Variants in RPS19 observed in about 807,000 individuals in gnomAD.
RPS19 encodes small ribosomal subunit protein eS19.
RPS19 carries 1 observed loss-of-function variant against 20.3 expected under a neutral mutation model. The ratio of observed to expected loss-of-function variants is 0.05; its 90% confidence interval spans 0.02 to 0.23. The LOEUF is 0.23. Among genes scored for constraint, RPS19 ranks in the 10% least tolerant of loss-of-function variants. The probability of loss-of-function intolerance (pLI) is 1.00; values close to 1 mark genes in which losing one functional copy is unlikely to be tolerated. For synonymous variants in RPS19, 87 were observed against 74.8 expected, an observed-to-expected ratio of 1.16 and a Z score of -0.84; for missense variants, 111 against 192.7, an observed-to-expected ratio of 0.58 and a Z score of 2.51.
rs1255200187 is a variant in RPS19, at chr19:41,869,688, C to T, written c.357-11C>T. 1 of 1,613,638 alleles carries T rather than the reference C, an allele frequency of 6.2e-7. No homozygotes were observed. The highest frequency in any genetic ancestry group is 8.5e-7 in the Non-Finnish European group (1 of 1,179,848). ...CTCACTGGGGCCTGCATGACCCTTC[C>T]CTCCCCACAGCGGCCGCAAACTGAC... On this transcript the variant is annotated splice_polypyrimidine_tract_variant and intron_variant, in intron 4 of 5. Transcript: ENST00000598742.
intron 3 of RPS19, among the ~76,000 whole-genome samples, chr19:41,868,342 G>T (rs1600619989): frequency 6.6e-6 from 1 of 152,206 alleles, no homozygotes; most frequent in East Asian, 1.9e-4. Context: ...AGTAGCACTT[G>T]ACACACCTGT....
Position 41,869,700 on chromosome 19 carries a change from G to A in RPS19, c.358G>A (p.Gly120Ser). ...TGCATGACCCTTCCCTCCCCACAGC[G>A]GCCGCAAACTGACACCTCAGGGACA... is the stretch of plus-strand genomic sequence containing the variant. ...LKMVEKDQDG[G>S]RKLTPQGQRD... Residue 120 changes from glycine (G) to serine (S), a missense_variant and splice_region_variant, in exon 5 of 6, where the codon GGC (glycine) becomes AGC (serine). Coordinates refer to ENST00000598742, the MANE Select transcript of RPS19 (RefSeq NM_001022.4). 3.7e-6 allele frequency: 6 copies of A among 1,614,052 alleles called. No individual in the cohort carries two copies. Among genetic ancestry groups the A allele is most frequent in the South Asian group, 2.2e-5 (2 of 91,078 alleles).
intron 5 of RPS19, among the ~76,000 whole-genome samples, chr19:41,870,849 CTTTTTTTT>C (rs35987051): frequency 6.8e-5 from 3 of 43,964 alleles, no homozygotes; most frequent in African/African-American, 9.2e-5. Flanking sequence ...CACTCCCTTC[CTTTTTTTT>C]TTTTTTTTTT....
At chr19:41,867,984 T>C (rs1488589606) in intron 3 of RPS19, among the ~76,000 whole-genome samples, 1 of 152,080 alleles carries the variant, frequency 6.6e-6, no homozygotes, top group Non-Finnish European at 1.5e-5. Flanking sequence ...ACAAGCGGTG[T>C]GTAAGAACTG....
chr19:41,868,193 G>A (rs2123281735), intron 3 of RPS19, among the ~76,000 whole-genome samples: 1 of 152,366 alleles, frequency 6.6e-6, no homozygotes, highest in Non-Finnish European at 1.5e-5. Flanking sequence ...GCAGGACCAT[G>A]TGATGGCTGA....
At chr19:41,868,923 C>A (rs893910218) in intron 3 of RPS19, 108 bp from the exon 4 acceptor site, 16 of 1,173,228 alleles carry the variant, frequency 1.4e-5, no homozygotes, top group Non-Finnish European at 1.9e-5. Context: ...TGTGTGTTTT[C>A]AGTTTCCCTT....
intron 3 of RPS19, chr19:41,864,745 G>C (rs2074067430): frequency 6.6e-6 from 1 of 152,248 alleles, no homozygotes; most frequent in Non-Finnish European, 1.5e-5. Flanking sequence ...GGAGCAGAAG[G>C]CCTCTAGCAT....
At chr19:41,861,251 G>T (rs782540174) in intron 3 of RPS19, 39 bp downstream of exon 3, 5 of 1,465,890 alleles carry the variant, frequency 3.4e-6, no homozygotes, top group Non-Finnish European at 3.8e-6. Context: ...GTGGGGAGCT[G>T]GGTGACCCCT....
chr19:41,860,609 C>A, intron 1 of RPS19, 166 bp from the exon 2 acceptor site: 2 of 739,612 alleles, frequency 2.7e-6, no homozygotes, highest in South Asian at 2.8e-5. Context: ...TCGGTGAGCT[C>A]CTTCAGACCC....
chr19:41,871,276 A>G (rs369186569), intron 5 of RPS19, 75 bp from the exon 6 acceptor site: 266 of 1,287,236 alleles, frequency 2.1e-4, no homozygotes, highest in Non-Finnish European at 2.8e-4. Context: ...TGTGGTGGGT[A>G]GTTAGGTAGC....
rs1459964119 is a variant in RPS19, at chr19:41,869,496, T to A, written c.357-203T>A. 9 of 621,042 alleles carry A rather than the reference T, an allele frequency of 1.4e-5. No individual in the cohort carries two copies. The Admixed American group carries it at 1.8e-4, about 12-fold the overall frequency. 38.5% of individuals were successfully genotyped at this position (621,042 alleles called of 1,614,324 possible). On this transcript the variant is annotated intron_variant, in intron 4 of 5. Coordinates refer to ENST00000598742, the MANE Select transcript of RPS19 (RefSeq NM_001022.4). ...TTTTCGGGGCTTTTGATCTAAATGC[T>A]TGCACAAACAACACCCCGTCAGCTC...
intron 3 of RPS19, among the ~76,000 whole-genome samples, chr19:41,862,611 A>C (rs1415812831): frequency 6.6e-6 from 1 of 151,390 alleles, no homozygotes; most frequent in African/African-American, 2.4e-5. Flanking sequence ...ATACCTCCAA[A>C]GTAGGACTGT....
At chr19:41,866,291 T>C (rs2074089271) in intron 3 of RPS19, among the ~76,000 whole-genome samples, 1 of 152,110 alleles carries the variant, frequency 6.6e-6, no homozygotes, top group African/African-American at 2.4e-5. Flanking sequence ...AAAGCTATTC[T>C]GCGTTCCCCA....
Position 41,871,397 on chromosome 19 carries a change from A to G in RPS19, c.*20A>G, listed in dbSNP as rs2074148059. 1 of 1,611,064 alleles carries G rather than the reference A, an allele frequency of 6.2e-7. No individual in the cohort carries two copies. Among genetic ancestry groups the G allele is most frequent in the Admixed American group, 1.7e-5 (1 of 59,988 alleles). ...CATTAGAACAAACCATGCTGGGTTA[A>G]TAAATTGCCTCATTCGTAATCCTGG... On this transcript the variant is annotated 3_prime_UTR_variant, in exon 6 of 6. Transcript: ENST00000598742.
chr19:41,862,746 T>TG (rs1416853613), intron 3 of RPS19, among the ~76,000 whole-genome samples: 1 of 152,074 alleles, frequency 6.6e-6, no homozygotes, highest in Non-Finnish European at 1.5e-5. Context: ...TGTGGTCCCT[T>TG]GCAGCCCACA....
chr19:41,861,183 A>G lies in RPS19; in HGVS notation c.143A>G (p.Tyr48Cys), dbSNP rs782433952. Residue 48 changes from tyrosine (Y) to cysteine (C), a missense_variant, in exon 3 of 6, where the codon TAC becomes TGC. Physicochemically the swap from Tyr to Cys is radical, Grantham distance 194 (BLOSUM62 -2). Transcript: ENST00000598742. ...KLAKHKELAP[Y>C]DENWFYTRAA... ...GCCAAGCACAAAGAGCTTGCTCCCT[A>G]CGATGAGAACTGGTTCTACACGCGA... 2 of 1,613,946 alleles carry G rather than the reference A, an allele frequency of 1.2e-6. No homozygotes were observed. The highest frequency in any genetic ancestry group is 1.7e-5 in the Admixed American group (1 of 60,002).
intron 5 of RPS19, 82 bp from the exon 6 acceptor site, chr19:41,871,269 G>A (rs2074146521): frequency 7.3e-6 from 9 of 1,231,772 alleles, no homozygotes; most frequent in Non-Finnish European, 1.1e-5. Context: ...GCCCACCTGT[G>A]GTGGGTAGTT....
rs1442379340 is a variant in RPS19 at position 41,869,891 on chromosome 19, G to T, written c.411+138G>T. 3 of 829,820 alleles carry T rather than the reference G, an allele frequency of 3.6e-6. No homozygotes were observed. The Admixed American group carries it at 6.3e-5, about 17-fold the overall frequency. The allele number at this position is 829,820 out of a possible 1,614,324, so 51.4% of individuals were successfully genotyped here. On this transcript the variant is annotated intron_variant, in intron 5 of 5. Coordinates refer to ENST00000598742, the MANE Select transcript of RPS19 (RefSeq NM_001022.4). ...GTGCTGGTGGGGTCAGAGGAGGGCT[G>T]CCCAGAGACAGGAGAAAGGACAGTC...
intron 1 of RPS19, 56 bp from the exon 2 acceptor site, chr19:41,860,719 C>T (rs903211282): frequency 2.3e-5 from 30 of 1,300,658 alleles, no homozygotes; most frequent in Non-Finnish European, 3.4e-5. Context: ...GGGGTCCGTG[C>T]TCTTGGCAGT....
Sources: allele counts gnomAD v4.1 joint callset (sites outside exome capture counted in the v4.1 genomes callset), GRCh38; gene constraint gnomAD v4.1.1; transcripts MANE v1.5; gene names NCBI Gene and HGNC (gene_info 2026-07-23, HGNC 2026-07-21).